Variants in GRIPAP1 observed in about 807,000 individuals in gnomAD.
The protein encoded by GRIPAP1 is GRIP1 associated protein 1.
A neutral mutation model predicts 84.1 loss-of-function variants in GRIPAP1; 14 were observed. That is an observed-to-expected ratio of 0.17 (90% CI 0.11 to 0.26). The LOEUF (loss-of-function observed/expected upper bound fraction) is 0.26. Among genes scored for constraint, GRIPAP1 ranks in the 10% least tolerant of loss-of-function variants. The probability of loss-of-function intolerance (pLI) is 1.00; values close to 1 mark genes in which losing one functional copy is unlikely to be tolerated. For synonymous variants in GRIPAP1, 261 were observed against 256.8 expected (o/e 1.02, Z -0.15); for missense variants, 518 against 674.2 (o/e 0.77, Z 2.57).
chrX:48,993,521 C>G lies in GRIPAP1; in HGVS notation c.364G>C (p.Ala122Pro), dbSNP rs1602477189. 2.5e-6 allele frequency: 3 copies of G among 1,186,896 alleles called. No individual in the cohort carries two copies. Among genetic ancestry groups the G allele is most frequent in the African/African-American group, 3.5e-5 (2 of 56,804 alleles). ...QENQQLKEGA[A>P]GAGVAQAGPL... ...CCAGCTTGGGCAACCCCTGCTCCTG[C>G]AGCCCCCTCCTTCAGTTGCTGGTTC... The change falls in exon 6 of 26, where the codon GCA (alanine) becomes CCA (proline). Residue 122 changes from alanine (A) to proline (P), a missense_variant. Transcript: ENST00000376423.
At chrX:48,997,223 C>T (rs782047304) in intron 5 of GRIPAP1, 27 bp downstream of exon 5, 1 of 857,401 alleles carries the variant, frequency 1.2e-6, no homozygotes, top group Non-Finnish European at 1.7e-6. Flanking sequence ...CCCTCATTTC[C>T]CCTTTGACTA....
At chrX:48,979,000 G>A (rs782338353) in intron 21 of GRIPAP1, among the ~76,000 whole-genome samples, 97 of 110,240 alleles carry the variant, frequency 8.8e-4, no homozygotes, top group Non-Finnish European at 1.5e-3. Context: ...GAAAGAGAAC[G>A]ACATGGGTAC....
At chrX:48,974,548 C>T (rs1192443034) in intron 25 of GRIPAP1, among the ~76,000 whole-genome samples, 1 of 111,725 alleles carries the variant, frequency 9.0e-6, no homozygotes, top group Admixed American at 9.5e-5. Context: ...GCAGGATACA[C>T]CACCACTCTG....
chrX:48,997,675 G>A (rs2064554844), intron 4 of GRIPAP1, among the ~76,000 whole-genome samples: 1 of 108,237 alleles, frequency 9.2e-6, no homozygotes, highest in Non-Finnish European at 1.9e-5. Context: ...GGGATTGGGA[G>A]GGAGAGAGTG....
intron 13 of GRIPAP1, among the ~76,000 whole-genome samples, chrX:48,987,067 C>T (rs868974347): frequency 1.4e-4 from 15 of 105,824 alleles, no homozygotes; most frequent in Admixed American, 9.3e-4. Context: ...AGGCTGGTCT[C>T]GAACTCCTGA....
rs782191764 is a variant in GRIPAP1 at position 48,983,214 on chromosome X, A to T, written c.1485+14T>A. The T allele has an allele frequency of 4.9e-5, 58 of 1,193,742 alleles. No homozygotes were observed. The South Asian group carries it at 8.7e-4, about 18-fold the overall frequency. On this transcript the variant is annotated intron_variant, in intron 16 of 25. Transcript: ENST00000376423. ...GTTTTAGAGGAAGAAGGGCATCATC[A>T]TCTACCCACCCACCTTCTCCTCCCG...
chrX:48,976,157 T>C, intron 23 of GRIPAP1, 46 bp from the exon 24 acceptor site: 1 of 1,200,742 alleles, frequency 8.3e-7, no homozygotes, highest in Non-Finnish European at 1.1e-6. Context: ...CTGTACATGT[T>C]CACACATGAG....
At chrX:48,985,990 C>T (rs1408146818) in intron 13 of GRIPAP1, among the ~76,000 whole-genome samples, 4 of 111,141 alleles carry the variant, frequency 3.6e-5, no homozygotes, top group Non-Finnish European at 5.7e-5. Context: ...TGCCTGTAAT[C>T]CCAGCACTCT....
chrX:48,976,906 A>G (rs1283568750), intron 22 of GRIPAP1: 4 of 101,242 alleles, frequency 4.0e-5, no homozygotes, highest in Admixed American at 2.1e-4. Context: ...GACGACATGA[A>G]TTTTTTTTTT....
intron 25 of GRIPAP1, 127 bp downstream of exon 25, chrX:48,975,028 T>A: frequency 3.9e-6 from 2 of 507,310 alleles, no homozygotes; most frequent in Non-Finnish European, 3.2e-6. Flanking sequence ...GATGAGTGGG[T>A]AGGAGGATAG....
At chrX:48,988,089 C>T (rs1602473934) in intron 12 of GRIPAP1, 32 bp downstream of exon 12, 3 of 1,128,021 alleles carry the variant, frequency 2.7e-6, no homozygotes, top group Non-Finnish European at 3.6e-6. Context: ...ATCCTGAACC[C>T]CAGCTCCCTG....
intron 15 of GRIPAP1, 127 bp downstream of exon 15, chrX:48,983,648 C>G (rs1173092291): frequency 1.2e-5 from 7 of 569,135 alleles, no homozygotes; most frequent in Non-Finnish European, 1.8e-5. Flanking sequence ...ACTGGTCAAC[C>G]AGAAACCAGT....
At chrX:48,997,801 C>A in intron 4 of GRIPAP1, 2 of 298,307 alleles carry the variant, frequency 6.7e-6, no homozygotes, top group Admixed American at 6.1e-5. Flanking sequence ...GTGGAAGAAA[C>A]AAGGAGTTAG....
In GRIPAP1 at chrX:48,983,075, C is replaced by T. The variant is rs147526084; in HGVS notation, c.1503G>A (p.Leu501=). Residue 501 remains leucine (L), a synonymous_variant, in exon 17 of 26, where the codon CTG becomes CTA. Transcript: ENST00000376423. ...CTTCCACTGTCTGCTGGAGAGTCTC[C>T]AGCTCCCGTGTCCGGGCCTGGGATG... The part of the protein sequence containing the change: ...IREEKARTRE[L]ETLQQTVEEL... 93 of 1,202,837 alleles carry T rather than the reference C, an allele frequency of 7.7e-5. No homozygotes were observed. Among genetic ancestry groups the T allele is most frequent in the Non-Finnish European group, 7.8e-5 (69 of 887,825 alleles).
rs1557059721 is a variant in GRIPAP1 at position 48,974,150 on chromosome X, T to G, written c.*43A>C. The G allele has an allele frequency of 1.1e-6, 1 of 912,858 alleles. No individual in the cohort carries two copies. The highest frequency in any genetic ancestry group is 1.6e-6 in the Non-Finnish European group (1 of 629,356). 75.2% of individuals were successfully genotyped at this position (912,858 alleles called of 1,213,427 possible). On this transcript the variant is annotated 3_prime_UTR_variant, in exon 26 of 26. Transcript: ENST00000376423. ...ACCACAGCCCAAGGGAATAGCATCC[T>G]AGGGGGTAGGAAGGGGAGGAGGTGG... is the stretch of plus-strand genomic sequence containing the variant.
At chrX:48,993,089 G>A (rs1464621307) in intron 6 of GRIPAP1, among the ~76,000 whole-genome samples, 4 of 112,550 alleles carry the variant, frequency 3.6e-5, no homozygotes, top group Admixed American at 9.4e-5. Context: ...CAAAGTGCTG[G>A]GATTACAGGC....
chrX:49,002,170 T>C lies in GRIPAP1; in HGVS notation c.42+18A>G. The C allele has an allele frequency of 8.7e-7, 1 of 1,145,534 alleles. No individual in the cohort carries two copies. Among genetic ancestry groups the C allele is most frequent in the Non-Finnish European group, 1.2e-6 (1 of 840,708 alleles). 94.4% of individuals were successfully genotyped at this position (1,145,534 alleles called of 1,213,427 possible). The stretch of plus-strand genomic sequence containing the variant: ...CCCGGTCGCCTAGCCGGGTGGTCTT[T>C]CCCACCGCGAGCGGCACCTGCATCC... On this transcript the variant is annotated intron_variant, in intron 1 of 25. Coordinates refer to ENST00000376423, the MANE Select transcript of GRIPAP1 (RefSeq NM_020137.5).
chrX:48,978,344 C>G lies in GRIPAP1; in HGVS notation c.2022G>C (p.Glu674Asp). The change falls in exon 22 of 26, where the codon GAG (glutamate) becomes GAC (aspartate). Residue 674 changes from glutamate (E) to aspartate (D), a missense_variant. This residue lies in a region of GRIPAP1 where 66 missense variants were observed against 65.2 expected (regional missense o/e 1.01). Transcript: ENST00000376423. ...CCGAGCTCTCCTTTTCCCGCAAGAT[C>G]TCCCGGTAGCTGAAGGAGGAGATGC... ...SSSISSFSYR[E>D]ILREKESSAV... The G allele has an allele frequency of 8.3e-7, 1 of 1,209,099 alleles. No homozygotes were observed. The highest frequency in any genetic ancestry group is 1.1e-6 in the Non-Finnish European group (1 of 894,041).
intron 2 of GRIPAP1, 33 bp downstream of exon 2, chrX:48,999,405 C>A (rs781820952): frequency 1.7e-6 from 2 of 1,144,810 alleles, no homozygotes; most frequent in South Asian, 3.6e-5. Flanking sequence ...TTCCCCAAAG[C>A]CACCCCCATC....
Sources: gnomAD v4.1 joint callset for allele counts (sites outside exome capture counted in the v4.1 genomes callset) on GRCh38, gnomAD v4.1.1 for gene constraint, gnomAD v4.1.1 regional missense constraint, MANE v1.5 for transcripts, NCBI Gene and HGNC (gene_info 2026-07-23, HGNC 2026-07-21) for gene names.